Variants in BAIAP2L1 observed in about 807,000 individuals in gnomAD.
BAIAP2L1 encodes BAR/IMD domain-containing adapter protein 2-like 1.
In BAIAP2L1, 35 loss-of-function variants were observed where a neutral mutation model predicts 66.3. The ratio of observed to expected loss-of-function variants is 0.53; its 90% CI spans 0.40 to 0.70. BAIAP2L1 has a LOEUF of 0.70. BAIAP2L1 is among the 30% of genes least tolerant of loss of function. The pLI is 0.00. For synonymous variants in BAIAP2L1, 269 were observed against 248.7 expected, an observed-to-expected ratio of 1.08 and a Z score of -0.77; for missense variants, 622 against 656.9, an observed-to-expected ratio of 0.95 and a Z score of 0.58.
chr7:98,340,243 A>G (rs1801709042), intron 3 of BAIAP2L1, among the ~76,000 whole-genome samples: 2 of 152,188 alleles, frequency 1.3e-5, no homozygotes, highest in South Asian at 4.1e-4. Context: ...TGAAGTGTGA[A>G]ATGGCTAATC....
At chr7:98,344,377 T>C (rs1269900628) in intron 3 of BAIAP2L1, among the ~76,000 whole-genome samples, 4 of 152,238 alleles carry the variant, frequency 2.6e-5, no homozygotes, top group African/African-American at 7.2e-5. Context: ...TTGGTATTTC[T>C]CTTTAAATCA....
At chr7:98,310,129 G>T (rs1562968596) in intron 9 of BAIAP2L1, 1 of 247,352 alleles carries the variant, frequency 4.0e-6, no homozygotes, top group Non-Finnish European at 7.7e-6. Context: ...GGGATTACAG[G>T]CGTGAGCCAC....
At chr7:98,394,134 T>A (rs1461412307) in intron 1 of BAIAP2L1, among the ~76,000 whole-genome samples, 33 of 151,896 alleles carry the variant, frequency 2.2e-4, no homozygotes, top group Non-Finnish European at 4.4e-5. Flanking sequence ...TCCCAGCTAC[T>A]CGGGAGGCTG....
At chr7:98,393,132 C>CACATATGTGTACATATATGTATATATGT (rs1562796004) in intron 1 of BAIAP2L1, among the ~76,000 whole-genome samples, 2 of 71,926 alleles carry the variant, frequency 2.8e-5, no homozygotes, top group Non-Finnish European at 3.1e-5. Flanking sequence ...TGTATATATA[C>CACATATGTGTACATATATGTATATATGT]ACACATATGT....
At chr7:98,366,459 T>A (rs966599426) in intron 1 of BAIAP2L1, among the ~76,000 whole-genome samples, 1 of 152,132 alleles carries the variant, frequency 6.6e-6, no homozygotes, top group Non-Finnish European at 1.5e-5. Flanking sequence ...TGGCTCAGTT[T>A]CCATCAGACT....
rs1332406259 is a variant in BAIAP2L1 at position 98,390,137 on chromosome 7, T to G, written c.51+10665A>C. 7.2e-5 allele frequency among the ~76,000 whole-genome samples: 11 copies of G among 151,810 alleles called. No individual in the cohort carries two copies. The East Asian group carries it at 2.2e-3, about 30-fold the overall frequency. ...TCACCATGTTAGCCAGGATGGTCTC[T>G]ATCTCCTGACCTCGTGATCTGCCCA... On this transcript the variant is annotated intron_variant, in intron 1 of 13. Transcript: ENST00000005260.
intron 3 of BAIAP2L1, among the ~76,000 whole-genome samples, chr7:98,352,603 C>T (rs1802024107): frequency 6.6e-6 from 1 of 152,252 alleles, no homozygotes; most frequent in Admixed American, 6.5e-5. Flanking sequence ...GATCACGCCA[C>T]TGCACTCCAG....
At chr7:98,359,803 A>G (rs1312450335) in intron 2 of BAIAP2L1, among the ~76,000 whole-genome samples, 1 of 131,266 alleles carries the variant, frequency 7.6e-6, no homozygotes, top group African/African-American at 3.0e-5. Context: ...TCTGTCTCCT[A>G]GGCTGGAGTG....
At chr7:98,372,868 T>A (rs1014897895) in intron 1 of BAIAP2L1, among the ~76,000 whole-genome samples, 8 of 148,592 alleles carry the variant, frequency 5.4e-5, no homozygotes, top group African/African-American at 2.0e-4. Flanking sequence ...GCCTAAGGAG[T>A]AGGTGGGATT....
intron 2 of BAIAP2L1, among the ~76,000 whole-genome samples, chr7:98,359,587 T>C (rs547764920): frequency 2.6e-5 from 4 of 152,070 alleles, no homozygotes; most frequent in African/African-American, 7.2e-5. Context: ...CTGTCTTTTA[T>C]GCGTGCAGTA....
chr7:98,375,401 A>G (rs1802599463), intron 1 of BAIAP2L1, among the ~76,000 whole-genome samples: 1 of 151,456 alleles, frequency 6.6e-6, no homozygotes. Context: ...CTTAAAAAAA[A>G]AAAAAAAATT....
Position 98,307,700 on chromosome 7 carries a change from G to A in BAIAP2L1, c.1152C>T (p.Asp384=), listed in dbSNP as rs147254651. 1.5e-5 allele frequency: 25 copies of A among 1,614,048 alleles called. No homozygotes were observed. The highest frequency in any genetic ancestry group is 6.6e-5 in the South Asian group (6 of 91,078). ...ACGCCCAGACTTACGCCTTGGACACGTCGTGTTCTCCATAGAGCCAGCCAT... is the reference window on the plus strand; with the variant it reads ...ACGCCCAGACTTACGCCTTGGACACATCGTGTTCTCCATAGAGCCAGCCAT... ...EKDGWLYGEH[D]VSKARGWFPS... Residue 384 remains aspartate (D), a synonymous_variant, in exon 10 of 14, where the codon GAC becomes GAT. Coordinates refer to ENST00000005260, the MANE Select transcript of BAIAP2L1 (RefSeq NM_018842.5).
intron 2 of BAIAP2L1, among the ~76,000 whole-genome samples, chr7:98,357,564 T>TAAAA (rs1452224022): frequency 1.9e-5 from 1 of 52,958 alleles, no homozygotes; most frequent in African/African-American, 1.3e-4. Context: ...AGACTCAGTC[T>TAAAA]CAAAAAAAAA....
chr7:98,312,787 C>T lies in BAIAP2L1; in HGVS notation c.640-523G>A, dbSNP rs974071679. Among the ~76,000 whole-genome samples the T allele has an allele frequency of 8.5e-5, 13 of 152,178 alleles. 1 individual carries two copies. The highest frequency in any genetic ancestry group is 7.9e-4 in the Admixed American group (12 of 15,280). ...GTGAGTGGTGGGCAGTGCTGAGGGA[C>T]GCCCCCACCACAGGCCAAACAAGGT... On this transcript the variant is annotated intron_variant, in intron 7 of 13. Coordinates refer to ENST00000005260, the MANE Select transcript of BAIAP2L1 (RefSeq NM_018842.5).
intron 3 of BAIAP2L1, among the ~76,000 whole-genome samples, chr7:98,326,304 A>C (rs1203539534): frequency 6.6e-6 from 1 of 152,130 alleles, no homozygotes; most frequent in African/African-American, 2.4e-5. Context: ...ACACGTACAA[A>C]CAACCAATGT....
intron 1 of BAIAP2L1, among the ~76,000 whole-genome samples, chr7:98,369,663 ATTTTTTT>A (rs71112146): frequency 1.1e-4 from 11 of 103,850 alleles, no homozygotes; most frequent in African/African-American, 4.0e-4. Context: ...TGATTTCCTA[ATTTTTTT>A]TTTTTTTTTT....
In BAIAP2L1 at chr7:98,315,782, C is replaced by T. The variant is rs143468928; in HGVS notation, c.487-170G>A. ...GTAACCTGACCTAAGTAGATACCATCGTTCTCCTTGAGGTCCCTGACTCGT... is the reference window on the plus strand; with the variant it reads ...GTAACCTGACCTAAGTAGATACCATTGTTCTCCTTGAGGTCCCTGACTCGT... On this transcript the variant is annotated intron_variant, in intron 6 of 13. Coordinates refer to ENST00000005260, the MANE Select transcript of BAIAP2L1 (RefSeq NM_018842.5). 9.1e-4 allele frequency among the ~76,000 whole-genome samples: 139 copies of T among 152,304 alleles called. 2 individuals are homozygous for T. The East Asian group carries it at 0.024, about 26-fold the overall frequency.
chr7:98,376,911 T>A (rs1465185333), intron 1 of BAIAP2L1, among the ~76,000 whole-genome samples: 1 of 151,630 alleles, frequency 6.6e-6, no homozygotes, highest in East Asian at 1.9e-4. Context: ...TTTGTAGATA[T>A]GGTCAACATC....
At chr7:98,347,332 T>C (rs1404891612) in intron 3 of BAIAP2L1, among the ~76,000 whole-genome samples, 1 of 152,154 alleles carries the variant, frequency 6.6e-6, no homozygotes, top group Non-Finnish European at 1.5e-5. Context: ...AGTGCGTTTT[T>C]AACAAACATT....
Sources: allele counts gnomAD v4.1 joint callset (sites outside exome capture counted in the v4.1 genomes callset), GRCh38; gene constraint gnomAD v4.1.1; transcripts MANE v1.5; gene names NCBI Gene and HGNC (gene_info 2026-07-23, HGNC 2026-07-21).